Variants in TUBGCP3 observed in about 807,000 individuals in gnomAD.
TUBGCP3 encodes tubulin gamma complex component 3.
Under a neutral mutation model 123.1 loss-of-function variants are expected in TUBGCP3, and 50 were observed. The ratio of observed to expected loss-of-function variants is 0.41; its 90% CI spans 0.32 to 0.51. TUBGCP3 has a LOEUF of 0.51. Among genes scored for constraint, TUBGCP3 ranks in the 20% least tolerant of loss-of-function variants. The pLI is 0.36. For missense variants in TUBGCP3, 882 were observed against 1,127.0 expected (o/e 0.78, Z 3.11); for synonymous variants, 405 against 413.9 (o/e 0.98, Z 0.26).
intron 2 of TUBGCP3, among the ~76,000 whole-genome samples, chr13:112,567,656 T>C (rs1411428604): frequency 1.3e-5 from 2 of 152,200 alleles, no homozygotes; most frequent in Admixed American, 6.5e-5. Context: ...TAACAGCAGA[T>C]GGATCATTTC....
intron 18 of TUBGCP3, 119 bp downstream of exon 18, chr13:112,504,507 A>G (rs1881151077): frequency 1.5e-6 from 1 of 689,546 alleles, no homozygotes; most frequent in East Asian, 3.1e-5. Flanking sequence ...AAAAGAAAAA[A>G]TTATGTATAT....
At chr13:112,490,954 G>T (rs533089333) in intron 20 of TUBGCP3, among the ~76,000 whole-genome samples, 2 of 152,274 alleles carry the variant, frequency 1.3e-5, no homozygotes, top group East Asian at 3.9e-4. Flanking sequence ...TATGGAAAAT[G>T]ATTTCCTTCA....
At chr13:112,547,538 A>AAAGACGTGCG in intron 10 of TUBGCP3, 82 bp downstream of exon 10, 1 of 1,242,966 alleles carries the variant, frequency 8.0e-7, no homozygotes, top group Non-Finnish European at 1.0e-6. Flanking sequence ...AAAGACGTGC[A>AAAGACGTGCG]TGGGAAAGTC....
rs534635525 is a variant in TUBGCP3, at chr13:112,516,350, A to G, written c.2086+90T>C. The G allele has an allele frequency of 5.9e-6, 8 of 1,364,018 alleles. No homozygotes were observed. In the East Asian group the frequency reaches 2.2e-4, roughly 37 times the overall value. 84.5% of individuals were successfully genotyped at this position (1,364,018 alleles called of 1,614,324 possible). ...ATAGCTGTCACCGTGAGTCTACCTT[A>G]ACTTCTGCGGAGTTGCTGGAAACCG... is the stretch of plus-strand genomic sequence containing the variant. On this transcript the variant is annotated intron_variant, in intron 17 of 21. Transcript: ENST00000261965.
chr13:112,588,140 C>T lies in TUBGCP3; in HGVS notation c.-160G>A, dbSNP rs1157070256. ...CCACCAGGGCGCCATTTTAACGGAA[C>T]CCGCCGAAAGCGCGGGCGCTTCCCA... is the stretch of plus-strand genomic sequence containing the variant. On this transcript the variant is annotated 5_prime_UTR_variant, in exon 1 of 22. Coordinates refer to ENST00000261965, the MANE Select transcript of TUBGCP3 (RefSeq NM_006322.6). 9.4e-6 allele frequency: 5 copies of T among 533,996 alleles called. No individual in the cohort carries two copies. The highest frequency in any genetic ancestry group is 4.0e-5 in the African/African-American group (2 of 50,210). The allele number at this position is 533,996 out of a possible 1,614,324, so 33.1% of individuals were successfully genotyped here.
intron 5 of TUBGCP3, among the ~76,000 whole-genome samples, 196 bp from the exon 6 acceptor site, chr13:112,556,420 C>G (rs2139219873): frequency 6.6e-6 from 1 of 152,174 alleles, no homozygotes; most frequent in Non-Finnish European, 1.5e-5. Flanking sequence ...GTCAAGCCTC[C>G]TTGCGACCCT....
chr13:112,514,874 T>C (rs1020999306), intron 17 of TUBGCP3, among the ~76,000 whole-genome samples: 1 of 151,972 alleles, frequency 6.6e-6, no homozygotes, highest in Admixed American at 6.6e-5. Context: ...CGGCAAAAAA[T>C]TGGAGGAAAA....
intron 19 of TUBGCP3, among the ~76,000 whole-genome samples, chr13:112,502,070 G>GA (rs1880943178): frequency 6.6e-6 from 1 of 152,178 alleles, no homozygotes; most frequent in East Asian, 1.9e-4. Context: ...TGAAATGCAT[G>GA]AAATCTAATG....
intron 1 of TUBGCP3, among the ~76,000 whole-genome samples, chr13:112,582,733 A>G (rs1320144014): frequency 6.6e-6 from 1 of 152,108 alleles, no homozygotes; most frequent in African/African-American, 2.4e-5. Context: ...ACCTAAGGAG[A>G]GGTCTAGTTC....
At chr13:112,537,127 C>CTTTTTTTT (rs58140098) in intron 11 of TUBGCP3, among the ~76,000 whole-genome samples, 1 of 78,126 alleles carries the variant, frequency 1.3e-5, no homozygotes, top group African/African-American at 4.8e-5. Flanking sequence ...TACCTTTTTC[C>CTTTTTTTT]TTTTTTTTTT....
At chr13:112,489,456 C>G in intron 21 of TUBGCP3, 125 bp downstream of exon 21, 2 of 751,086 alleles carry the variant, frequency 2.7e-6, no homozygotes, top group Non-Finnish European at 2.4e-6. Flanking sequence ...GGGTGCTACT[C>G]ACACCTACAC....
chr13:112,522,647 C>G lies in TUBGCP3; in HGVS notation c.1556-138G>C, dbSNP rs966652690. On this transcript the variant is annotated intron_variant, in intron 13 of 21. Coordinates refer to ENST00000261965, the MANE Select transcript of TUBGCP3 (RefSeq NM_006322.6). ...GTAACAGACTGACCGCAGGCACAGACAGCTGGACATTCCACAAAGGAGACC... is the reference window on the plus strand; with the variant it reads ...GTAACAGACTGACCGCAGGCACAGAGAGCTGGACATTCCACAAAGGAGACC... 20 of 719,488 alleles carry G rather than the reference C, an allele frequency of 2.8e-5. 1 individual carries two copies. The highest frequency in any genetic ancestry group is 8.1e-5 in the East Asian group (3 of 36,998). 44.6% of individuals were successfully genotyped at this position (719,488 alleles called of 1,614,324 possible). A position where few individuals can be genotyped will look rare whatever the true frequency, so the allele number is the denominator to read the frequency against.
chr13:112,514,357 C>A (rs1875895607), intron 17 of TUBGCP3, among the ~76,000 whole-genome samples: 1 of 151,772 alleles, frequency 6.6e-6, no homozygotes, highest in Non-Finnish European at 1.5e-5. Context: ...TACAGCAAAA[C>A]AAAGAAAAAA....
chr13:112,496,240 T>C (rs1298261112), intron 20 of TUBGCP3, among the ~76,000 whole-genome samples: 1 of 152,152 alleles, frequency 6.6e-6, no homozygotes, highest in Non-Finnish European at 1.5e-5. Flanking sequence ...TATAAATTGA[T>C]ATTTATAGCG....
chr13:112,504,543 T>TAC (rs1276047131), intron 18 of TUBGCP3, 83 bp downstream of exon 18: 13 of 941,614 alleles, frequency 1.4e-5, no homozygotes, highest in East Asian at 2.7e-5. Flanking sequence ...CACACATACA[T>TAC]ACACATATAT....
chr13:112,599,499 GGTTTTTT>G, the TUBGCP3 span, among the ~76,000 whole-genome samples: 2 of 151,762 alleles, frequency 1.3e-5, no homozygotes, highest in Admixed American at 6.6e-5. Flanking sequence ...ACTTTGCTAT[GGTTTTTT>G]GTTTTTTGTT....
rs150815099 is a variant in TUBGCP3 at position 112,489,628 on chromosome 13, T to A, written c.2518A>T (p.Ile840Leu). Residue 840 changes from isoleucine (I) to leucine (L), a missense_variant, in exon 21 of 22, where the codon ATA becomes TTA. Ile to Leu is a conservative substitution (Grantham distance 5, BLOSUM62 2). Around this residue, in one of 3 missense-constraint regions of TUBGCP3, gnomAD observed 160 missense variants for 220.3 expected, o/e 0.73. Transcript: ENST00000261965. ...CGCAACTGTGAGCACATTTTTGGTA[T>A]AGATTCTTTAAATTCTCCAATCCTC... ...NKRIGEFKESIPKMCSQLRIL... is the reference protein window; with the variant it reads ...NKRIGEFKESLPKMCSQLRIL... The A allele has an allele frequency of 6.2e-7, 1 of 1,614,152 alleles. No homozygotes were observed. Among genetic ancestry groups the A allele is most frequent in the African/African-American group, 1.3e-5 (1 of 74,946 alleles).
intron 11 of TUBGCP3, among the ~76,000 whole-genome samples, chr13:112,541,876 A>C (rs1349784663): frequency 6.6e-6 from 1 of 152,214 alleles, no homozygotes; most frequent in African/African-American, 2.4e-5. Context: ...TCACACACTA[A>C]TTATTGAACG....
chr13:112,492,564 C>A (rs1480909411), intron 20 of TUBGCP3, among the ~76,000 whole-genome samples: 4 of 149,586 alleles, frequency 2.7e-5, no homozygotes, highest in Non-Finnish European at 4.4e-5. Flanking sequence ...GCTATGGGAA[C>A]AGGGCCTGGT....
Sources: allele counts gnomAD v4.1 joint callset (sites outside exome capture counted in the v4.1 genomes callset), GRCh38; gene constraint gnomAD v4.1.1; regional missense constraint gnomAD v4.1.1; transcripts MANE v1.5; gene names NCBI Gene and HGNC (gene_info 2026-07-23, HGNC 2026-07-21).